Variants in NAT10 observed in about 807,000 individuals in gnomAD.
NAT10 encodes the protein RNA cytidine acetyltransferase.
In NAT10, 109 loss-of-function variants were observed where a neutral mutation model predicts 132.2. The observed-to-expected ratio is 0.82, with a 90% CI of 0.71 to 0.97. The LOEUF is 0.97. Among genes scored for constraint, NAT10 ranks in the 50% least tolerant of loss-of-function variants. The pLI is 0.00. For missense variants in NAT10, 1,184 were observed against 1,263.4 expected (o/e 0.94, Z 0.95); for synonymous variants, 479 against 478.0 (o/e 1.00, Z -0.03).
intron 1 of NAT10, among the ~76,000 whole-genome samples, chr11:34,107,847 C>T (rs11032515): frequency 0.22 from 32,781 of 152,236 alleles, 3,960 homozygotes; most frequent in East Asian, 0.33. Flanking sequence ...TGCACTCCAG[C>T]CTGGCGACAG....
At chr11:34,117,900 A>C (rs1851811653) in intron 6 of NAT10, among the ~76,000 whole-genome samples, 1 of 152,160 alleles carries the variant, frequency 6.6e-6, no homozygotes, top group African/African-American at 2.4e-5. Context: ...GGAGAGGGCC[A>C]CGTGGTGTAG....
At chr11:34,118,089 G>A (rs1002295094) in intron 6 of NAT10, 91 bp from the exon 7 acceptor site, 11 of 1,033,062 alleles carry the variant, frequency 1.1e-5, no homozygotes, top group Non-Finnish European at 1.6e-5. Flanking sequence ...GAGACACTTG[G>A]GGCCAGTTAA....
Position 34,113,843 on chromosome 11 carries a change from G to A in NAT10, c.495+5G>A, listed in dbSNP as rs1249446580. Reference sequence around the variant, plus strand: ...CAATTGTACACAGTGACTATGGTAAGCATCTGTTTTTTAACTTAATTGTGA... The same window carrying A: ...CAATTGTACACAGTGACTATGGTAAACATCTGTTTTTTAACTTAATTGTGA... On this transcript the variant is annotated splice_donor_5th_base_variant and intron_variant, in intron 5 of 28. Transcript: ENST00000257829. The A allele has an allele frequency of 4.3e-6, 7 of 1,611,142 alleles. No individual in the cohort carries two copies. The highest frequency in any genetic ancestry group is 5.1e-6 in the Non-Finnish European group (6 of 1,178,952).
At position 34,130,855 on chromosome 11, in the gene NAT10, G is replaced by A; in HGVS notation, c.1287G>A (p.Gln429=). 1 of 1,614,170 alleles carries A rather than the reference G, an allele frequency of 6.2e-7. No homozygotes were observed. The highest frequency in any genetic ancestry group is 1.1e-5 in the South Asian group (1 of 91,080). The change falls in exon 13 of 29, where the codon CAG becomes CAA. Residue 429 remains glutamine (Q), a synonymous_variant. Transcript: ENST00000257829. ...TGRSLSLKLI[Q]QLRQQSAQSQ... is the part of the protein sequence containing the mutation. ...GGTCACTGTCCCTCAAGCTAATTCA[G>A]CAGCTCCGTCAACAGAGCGCCCAGA...
At chr11:34,114,386 GCC>G (rs1491046121) in intron 5 of NAT10, among the ~76,000 whole-genome samples, 2,560 of 152,300 alleles carry the variant, frequency 0.017, 51 homozygotes, top group African/African-American at 0.058. Flanking sequence ...TATCAGCGTT[GCC>G]AAGTCAGTGT....
In NAT10 at chr11:34,108,850, A is replaced by G. The variant is rs374561697; in HGVS notation, c.200+17A>G. 102 of 1,597,518 alleles carry G rather than the reference A, an allele frequency of 6.4e-5. No individual in the cohort carries two copies. Among genetic ancestry groups the G allele is most frequent in the Non-Finnish European group, 8.6e-5 (101 of 1,173,422 alleles). ...GTTTAGCAGGTAAGCTGGGCTCTTC[A>G]TGTGTTTTATCCAACTTACAATTCC... On this transcript the variant is annotated intron_variant, in intron 3 of 28. Transcript: ENST00000257829.
At position 34,105,655 on chromosome 11, in the gene NAT10, G is replaced by T. The variant is rs968017918; in HGVS notation, c.-153G>T. On this transcript the variant is annotated 5_prime_UTR_variant, in exon 1 of 29. Transcript: ENST00000257829. ...GTTCCTGAGAGGGACGCGTGCCGCG[G>T]AGCCAGGCTTACTACGTGACCCGGA... 3 of 152,364 alleles carry T rather than the reference G, an allele frequency of 2.0e-5. No homozygotes were observed. The highest frequency in any genetic ancestry group is 2.0e-4 in the Admixed American group (3 of 15,292). 9.4% of individuals were successfully genotyped at this position (152,364 alleles called of 1,614,324 possible). A position where few individuals can be genotyped will look rare whatever the true frequency, so the allele number is the denominator to read the frequency against.
In NAT10 at chr11:34,108,810, T is replaced by G. The variant is rs61735314; in HGVS notation, c.177T>G (p.Tyr59Ter). 2.5e-6 allele frequency: 4 copies of G among 1,613,932 alleles called. No individual in the cohort carries two copies. In the East Asian group the frequency reaches 8.9e-5, roughly 36 times the overall value. The change falls in exon 3 of 29, where the codon TAT (tyrosine) becomes TAG (stop). Residue 59 changes from tyrosine (Y) to a stop codon, truncating the protein, a stop_gained. Coordinates refer to ENST00000257829, the MANE Select transcript of NAT10 (RefSeq NM_024662.3). LOFTEE classifies it high-confidence loss of function. ...VKARPSVLWC[Y>*]KKELGFSSHR... Reference sequence around the variant, plus strand: ...CTCGGCCTTCAGTGCTGTGGTGTTATAAGAAAGAGCTGGGGTTTAGCAGGT... The same window carrying G: ...CTCGGCCTTCAGTGCTGTGGTGTTAGAAGAAAGAGCTGGGGTTTAGCAGGT...
chr11:34,119,329 C>A (rs1227872212), intron 8 of NAT10, among the ~76,000 whole-genome samples: 1 of 152,218 alleles, frequency 6.6e-6, no homozygotes, highest in Non-Finnish European at 1.5e-5. Context: ...TGGGTCGCTG[C>A]CCTTGAGAGG....
chr11:34,141,354 G>C, intron 25 of NAT10, 146 bp downstream of exon 25: 1 of 1,178,758 alleles, frequency 8.5e-7, no homozygotes. Flanking sequence ...CACAAATCCA[G>C]GACTTCAGAA....
In NAT10 at chr11:34,122,447, C is replaced by A; in HGVS notation, c.781-12C>A. 6.2e-7 allele frequency: 1 copy of A among 1,614,066 alleles called. No individual in the cohort carries two copies. The highest frequency in any genetic ancestry group is 1.1e-5 in the South Asian group (1 of 91,066). ...TTCTTGGAGTTCACCTAATATGTTT[C>A]TGTTTCCACAGGCCAAAGCTGTCTT... On this transcript the variant is annotated splice_polypyrimidine_tract_variant and intron_variant, in intron 8 of 28. Coordinates refer to ENST00000257829, the MANE Select transcript of NAT10 (RefSeq NM_024662.3).
rs773784521 is a variant in NAT10, at chr11:34,146,159, C to CA, written c.3051dup (p.Asp1018ArgfsTer19). The CA allele has an allele frequency of 1.2e-6, 2 of 1,608,036 alleles. No homozygotes were observed. Among genetic ancestry groups the CA allele is most frequent in the Non-Finnish European group, 1.7e-6 (2 of 1,177,812 alleles). ...AGTTGAAGAACAGAGAGACAAAGAA[C>CA]AAAAAAGATATGAAACTGAAGCGGA... On this transcript the variant is annotated frameshift_variant, in exon 29 of 29. Transcript: ENST00000257829. LOFTEE classifies it high-confidence loss of function.
chr11:34,141,918 C>T lies in NAT10; in HGVS notation c.2811+101C>T. The stretch of plus-strand genomic sequence containing the variant: ...CCCCTTCCCCTTTAGAAAGAGTCCT[C>T]TGCACTAATTGAGCTAAGTGCTATT... On this transcript the variant is annotated intron_variant, in intron 26 of 28. Transcript: ENST00000257829. 3 of 978,412 alleles carry T rather than the reference C, an allele frequency of 3.1e-6. No homozygotes were observed. The South Asian group carries it at 4.5e-5, about 15-fold the overall frequency. The allele number at this position is 978,412 out of a possible 1,614,324, so 60.6% of individuals were successfully genotyped here.
chr11:34,122,428 G>C lies in NAT10; in HGVS notation c.781-31G>C, dbSNP rs1469146500. Reference sequence around the variant, plus strand: ...ATGGTGGAAACTTGGGTCTTTCTTGGAGTTCACCTAATATGTTTCTGTTTC... The same window carrying C: ...ATGGTGGAAACTTGGGTCTTTCTTGCAGTTCACCTAATATGTTTCTGTTTC... On this transcript the variant is annotated intron_variant, in intron 8 of 28. Coordinates refer to ENST00000257829, the MANE Select transcript of NAT10 (RefSeq NM_024662.3). 5.0e-6 allele frequency: 8 copies of C among 1,613,032 alleles called. No individual in the cohort carries two copies. In the Admixed American group the frequency reaches 6.7e-5, roughly 13 times the overall value.
chr11:34,108,824 G>T lies in NAT10; in HGVS notation c.191G>T (p.Gly64Val). ...SVLWCYKKEL[G>V]FSSHRKKRMR... Reference sequence around the variant, plus strand: ...CTGTGGTGTTATAAGAAAGAGCTGGGGTTTAGCAGGTAAGCTGGGCTCTTC... The same window carrying T: ...CTGTGGTGTTATAAGAAAGAGCTGGTGTTTAGCAGGTAAGCTGGGCTCTTC... The change falls in exon 3 of 29, where the codon GGG (glycine) becomes GTG (valine). Residue 64 changes from glycine (G) to valine (V), a missense_variant. By Grantham distance (109) the Gly-to-Val change is moderately radical. Coordinates refer to ENST00000257829, the MANE Select transcript of NAT10 (RefSeq NM_024662.3). 1 of 1,612,880 alleles carries T rather than the reference G, an allele frequency of 6.2e-7. No individual in the cohort carries two copies. The highest frequency in any genetic ancestry group is 1.1e-5 in the South Asian group (1 of 90,796).
At chr11:34,136,526 A>G (rs1269602229) in intron 19 of NAT10, 116 bp from the exon 20 acceptor site, 10 of 1,281,426 alleles carry the variant, frequency 7.8e-6, no homozygotes, top group Non-Finnish European at 9.8e-6. Flanking sequence ...CAATAAACCA[A>G]GAAACCTCTC....
rs1329369124 is a variant in NAT10, at chr11:34,140,531, C to G, written c.2551C>G (p.Leu851Val). Residue 851 changes from leucine (L) to valine (V), a missense_variant, in exon 24 of 29, where the codon CTG (leucine) becomes GTG (valine). Coordinates refer to ENST00000257829, the MANE Select transcript of NAT10 (RefSeq NM_024662.3). ...MIPAISRIYF[L>V]NQLGDLALSA... ...CCCGGCCATCTCTCGCATCTATTTC[C>G]TGAACCAGCTGGGGGACCTGGCCCT... 6.2e-7 allele frequency: 1 copy of G among 1,614,200 alleles called. No homozygotes were observed.
chr11:34,144,710 A>G (rs192054813), intron 28 of NAT10, among the ~76,000 whole-genome samples: 76 of 152,266 alleles, frequency 5.0e-4, no homozygotes, highest in African/African-American at 1.7e-3. Flanking sequence ...TAAATAACTT[A>G]GGCTGGAACC....
Position 34,122,510 on chromosome 11 carries a change from A to G in NAT10, c.832A>G (p.Ser278Gly). Reference sequence around the variant, plus strand: ...GGGCATCTCTGAAAAGACCCTGAGGAGTACTGTTGCACTCACAGCTGCTCG... The same window carrying G: ...GGGCATCTCTGAAAAGACCCTGAGGGGTACTGTTGCACTCACAGCTGCTCG... The part of the protein sequence containing the change: ...IEGISEKTLR[S>G]TVALTAARGR... Residue 278 changes from serine (S) to glycine (G), a missense_variant, in exon 9 of 29, where the codon AGT (serine) becomes GGT (glycine). Physicochemically the swap from Ser to Gly is moderately conservative, Grantham distance 56. Transcript: ENST00000257829. The G allele has an allele frequency of 6.2e-7, 1 of 1,614,196 alleles. No homozygotes were observed. The highest frequency in any genetic ancestry group is 1.1e-5 in the South Asian group (1 of 91,084).
Sources: allele counts gnomAD v4.1 joint callset (sites outside exome capture counted in the v4.1 genomes callset), GRCh38; gene constraint gnomAD v4.1.1; transcripts MANE v1.5; gene names NCBI Gene and HGNC (gene_info 2026-07-23, HGNC 2026-07-21).